The following AKR1C4 variants were observed in gnomAD, a reference collection of about 807,000 sequenced individuals.
The protein encoded by AKR1C4 is aldo-keto reductase family 1 member C4.
Under a neutral mutation model 41.0 loss-of-function variants are expected in AKR1C4, and 44 were observed. That is an observed-to-expected ratio of 1.07 (90% CI 0.84 to 1.38). The LOEUF is 1.38. Among genes scored for constraint, AKR1C4 ranks in the 40% most tolerant of loss-of-function variants. AKR1C4 has a pLI of 0.00. For missense variants in AKR1C4, 438 were observed against 387.9 expected, an observed-to-expected ratio of 1.13 and a Z score of -1.09; for synonymous variants, 165 against 137.7, an observed-to-expected ratio of 1.20 and a Z score of -1.39.
intron 2 of AKR1C4, among the ~76,000 whole-genome samples, chr10:5,201,399 ACTT>A (rs782187515): frequency 3.9e-5 from 6 of 152,016 alleles, no homozygotes; most frequent in Non-Finnish European, 8.8e-5. Flanking sequence ...CTGTTTGTAT[ACTT>A]CTTTTGAGAA....
chr10:5,209,263 A>G (rs1030585459), intron 5 of AKR1C4, among the ~76,000 whole-genome samples: 1 of 152,178 alleles, frequency 6.6e-6, no homozygotes, highest in Non-Finnish European at 1.5e-5. Context: ...TTACACAGCA[A>G]ATTTTCACAT....
chr10:5,218,585 C>A, intron 8 of AKR1C4, 133 bp from the exon 9 acceptor site: 3 of 586,170 alleles, frequency 5.1e-6, no homozygotes, highest in Non-Finnish European at 5.8e-6. Context: ...TCATGAAAGA[C>A]ATTCTACAAA....
intron 4 of AKR1C4, 32 bp downstream of exon 4, chr10:5,205,866 G>A (rs782098250): frequency 3.2e-6 from 5 of 1,587,272 alleles, no homozygotes; most frequent in Admixed American, 3.5e-5. Flanking sequence ...TACAGAAAAG[G>A]AAGACAAGAA....
intron 7 of AKR1C4, among the ~76,000 whole-genome samples, chr10:5,215,813 T>TG (rs1832647959): frequency 6.6e-6 from 1 of 152,218 alleles, no homozygotes; most frequent in Admixed American, 6.5e-5. Flanking sequence ...ACTTAACCAA[T>TG]GCCTAACAAG....
chr10:5,206,959 C>T (rs1554797543), intron 5 of AKR1C4, among the ~76,000 whole-genome samples: 1 of 152,054 alleles, frequency 6.6e-6, no homozygotes, highest in African/African-American at 2.4e-5. Context: ...GGAAGTTACC[C>T]GTTTATGAGA....
At chr10:5,208,801 GAT>G (rs1296283184) in intron 5 of AKR1C4, among the ~76,000 whole-genome samples, 5 of 150,796 alleles carry the variant, frequency 3.3e-5, no homozygotes, top group African/African-American at 1.2e-4. Context: ...GATACCATAA[GAT>G]ATTAAGTACC....
At chr10:5,209,623 C>T (rs1290584152) in intron 5 of AKR1C4, among the ~76,000 whole-genome samples, 1 of 152,068 alleles carries the variant, frequency 6.6e-6, no homozygotes, top group Non-Finnish European at 1.5e-5. Context: ...TGGCAGAAGG[C>T]AAGGAGGAAC....
At chr10:5,218,634 C>G in intron 8 of AKR1C4, 84 bp from the exon 9 acceptor site, 1 of 1,039,684 alleles carries the variant, frequency 9.6e-7, no homozygotes, top group South Asian at 1.4e-5. Flanking sequence ...ACACTAATGG[C>G]AGCTTCATAT....
At chr10:5,215,194 G>C (rs1385650025) in intron 7 of AKR1C4, among the ~76,000 whole-genome samples, 2 of 152,136 alleles carry the variant, frequency 1.3e-5, no homozygotes, top group African/African-American at 4.8e-5. Context: ...GAAAAATTTT[G>C]AAACTTATAA....
intron 8 of AKR1C4, 107 bp downstream of exon 8, chr10:5,216,900 G>C: frequency 1.4e-6 from 1 of 712,386 alleles, no homozygotes; most frequent in Non-Finnish European, 2.4e-6. Flanking sequence ...CAGTGCAAGT[G>C]AGAGGTGAGA....
intron 2 of AKR1C4, among the ~76,000 whole-genome samples, chr10:5,202,651 T>G (rs140381245): frequency 4.2e-4 from 64 of 152,304 alleles, no homozygotes; most frequent in Admixed American, 4.2e-3. Context: ...TTGTTATATA[T>G]GCATTTTATG....
intron 4 of AKR1C4, 27 bp downstream of exon 4, chr10:5,205,861 A>G (rs782078118): frequency 6.9e-6 from 11 of 1,598,518 alleles, no homozygotes; most frequent in Non-Finnish European, 9.4e-6. Flanking sequence ...CAGAGTACAG[A>G]AAAGGAAGAC....
At chr10:5,205,874 G>T in intron 4 of AKR1C4, 40 bp downstream of exon 4, 1 of 1,579,238 alleles carries the variant, frequency 6.3e-7, no homozygotes, top group Non-Finnish European at 8.7e-7. Flanking sequence ...AGGAAGACAA[G>T]AAGAGGTAAA....
At chr10:5,200,047 G>C in intron 1 of AKR1C4, 134 bp from the exon 2 acceptor site, 3 of 1,117,900 alleles carry the variant, frequency 2.7e-6, no homozygotes, top group Non-Finnish European at 3.8e-6. Flanking sequence ...CTCCCCTAGA[G>C]GTCTGAGCAG....
Position 5,196,965 on chromosome 10 carries a change from T to C in AKR1C4, c.84+14T>C. 6.2e-7 allele frequency: 1 copy of C among 1,612,058 alleles called. No homozygotes were observed. The highest frequency in any genetic ancestry group is 8.5e-7 in the Non-Finnish European group (1 of 1,178,118). On this transcript the variant is annotated intron_variant, in intron 1 of 8. Coordinates refer to ENST00000263126, the MANE Select transcript of AKR1C4 (RefSeq NM_001818.5). ...GCACCTCCAGAGGTAATAATCACAT[T>C]TTCAGCATTGAGCATTTAAAAGAGC... is the stretch of plus-strand genomic sequence containing the variant.
chr10:5,201,614 C>A (rs1588336435), intron 2 of AKR1C4, among the ~76,000 whole-genome samples: 1 of 152,016 alleles, frequency 6.6e-6, no homozygotes, highest in African/African-American at 2.4e-5. Context: ...TAATTAGGTC[C>A]CATTTATTTT....
chr10:5,210,662 A>G (rs1201648194), intron 5 of AKR1C4, among the ~76,000 whole-genome samples: 2 of 150,658 alleles, frequency 1.3e-5, no homozygotes, highest in East Asian at 2.0e-4. Flanking sequence ...CCCAGGCTGG[A>G]GTGCAATGGC....
chr10:5,215,000 A>G (rs1832634921), intron 7 of AKR1C4, among the ~76,000 whole-genome samples: 1 of 152,210 alleles, frequency 6.6e-6, no homozygotes, highest in South Asian at 2.1e-4. Flanking sequence ...TTTTCACATT[A>G]TAGCTGTTTG....
At chr10:5,208,676 C>A (rs1218596936) in intron 5 of AKR1C4, among the ~76,000 whole-genome samples, 3 of 151,520 alleles carry the variant, frequency 2.0e-5, no homozygotes, top group African/African-American at 7.3e-5. Context: ...AAGGAAATAA[C>A]AATAATGCCC....
Sources: allele counts gnomAD v4.1 joint callset (sites outside exome capture counted in the v4.1 genomes callset), GRCh38; gene constraint gnomAD v4.1.1; transcripts MANE v1.5; gene names NCBI Gene and HGNC (gene_info 2026-07-23, HGNC 2026-07-21).